GDPD4: variants seen among roughly 807,000 people sequenced by gnomAD.
The protein encoded by GDPD4 is glycerophosphodiester phosphodiesterase domain containing 4.
A neutral mutation model predicts 67.8 loss-of-function variants in GDPD4; 60 were observed. That is an observed-to-expected ratio of 0.88 (90% CI 0.72 to 1.10). The LOEUF (loss-of-function observed/expected upper bound fraction) is 1.10. Ranked by LOEUF, GDPD4 falls within the 50% of genes least tolerant of loss-of-function variation. The pLI, the probability that GDPD4 is intolerant of heterozygous loss-of-function variation, is 0.00. For missense variants in GDPD4, 623 were observed against 613.9 expected (o/e 1.01, Z -0.16); for synonymous variants, 212 against 210.9 (o/e 1.00, Z -0.04).
chr11:77,229,187 A>G lies in GDPD4; in HGVS notation c.1435T>C (p.Ser479Pro). The part of the protein sequence containing the change: ...VFMWLLADII[S>P]VLFIVAIFCF... ...AATATGGCAACAATAAAAAGCACAG[A>G]AATGATATCTGCAAGGAGCCACATG... Residue 479 changes from serine (S) to proline (P), a missense_variant, in exon 15 of 17, where the codon TCT becomes CCT. Transcript: ENST00000315938. The G allele has an allele frequency of 2.5e-6, 4 of 1,609,210 alleles. No individual in the cohort carries two copies. Among genetic ancestry groups the G allele is most frequent in the Non-Finnish European group, 3.4e-6 (4 of 1,176,646 alleles).
At chr11:77,234,886 T>C (rs1289388506) in intron 13 of GDPD4, among the ~76,000 whole-genome samples, 3 of 152,180 alleles carry the variant, frequency 2.0e-5, no homozygotes, top group Non-Finnish European at 1.5e-5. Flanking sequence ...CTGGGTCAAA[T>C]GGTAGTTACA....
chr11:77,225,281 A>C lies in GDPD4; in HGVS notation c.1525+2583T>G, dbSNP rs541570910. Reference sequence around the variant, plus strand: ...ATGCCACTGCACTCCAGCCTGGGCAACAGAGCAAGACTCTGTCTCAAAAAA... The same window carrying C: ...ATGCCACTGCACTCCAGCCTGGGCACCAGAGCAAGACTCTGTCTCAAAAAA... On this transcript the variant is annotated intron_variant, in intron 16 of 16. Transcript: ENST00000315938. Among the ~76,000 whole-genome samples, 5 of 151,286 alleles carry C rather than the reference A, an allele frequency of 3.3e-5. No individual in the cohort carries two copies. The South Asian group carries it at 1.0e-3, about 32-fold the overall frequency.
chr11:77,233,663 G>T (rs2135831630), intron 13 of GDPD4, among the ~76,000 whole-genome samples: 1 of 152,188 alleles, frequency 6.6e-6, no homozygotes, highest in Admixed American at 6.5e-5. Context: ...GCTTCTATCA[G>T]AGCACTTATC....
intron 11 of GDPD4, among the ~76,000 whole-genome samples, chr11:77,253,070 C>T (rs1565523982): frequency 1.3e-5 from 2 of 152,268 alleles, no homozygotes; most frequent in South Asian, 2.1e-4. Context: ...CTCTGTGAAC[C>T]TTTCACTCTC....
intron 5 of GDPD4, among the ~76,000 whole-genome samples, chr11:77,275,908 G>T (rs926684290): frequency 6.6e-6 from 1 of 152,228 alleles, no homozygotes; most frequent in South Asian, 2.1e-4. Flanking sequence ...TACAGATTGA[G>T]TTTAATAGGA....
intron 4 of GDPD4, among the ~76,000 whole-genome samples, chr11:77,277,503 C>G (rs1471650944): frequency 4.2e-5 from 6 of 143,822 alleles, no homozygotes; most frequent in African/African-American, 1.5e-4. Context: ...CCCAGGTTCA[C>G]GCCATTCTCC....
intron 2 of GDPD4, 87 bp from the exon 3 acceptor site, chr11:77,285,274 T>A: frequency 1.5e-6 from 1 of 668,716 alleles, no homozygotes; most frequent in Non-Finnish European, 2.6e-6. Flanking sequence ...AAGGTCAGCA[T>A]AGTTGCACTG....
chr11:77,250,662 T>C (rs1958873780), intron 11 of GDPD4, among the ~76,000 whole-genome samples: 2 of 152,186 alleles, frequency 1.3e-5, no homozygotes, highest in Non-Finnish European at 2.9e-5. Flanking sequence ...TATTCTGTAA[T>C]TGTCTGTTAG....
rs557143512 is a variant in GDPD4 at position 77,227,002 on chromosome 11, T to C, written c.1525+862A>G. 2.0e-5 allele frequency among the ~76,000 whole-genome samples: 3 copies of C among 152,296 alleles called. No homozygotes were observed. The East Asian group carries it at 5.8e-4, about 29-fold the overall frequency. On this transcript the variant is annotated intron_variant, in intron 16 of 16. Coordinates refer to ENST00000315938, the MANE Select transcript of GDPD4 (RefSeq NM_182833.3). ...ATTGTCCATAAGAAATTAAATTAAA[T>C]TCATGATTTTGTGACTGTTCCAACT...
At chr11:77,245,594 T>G in intron 11 of GDPD4, 92 bp from the exon 12 acceptor site, 1 of 787,558 alleles carries the variant, frequency 1.3e-6, no homozygotes, top group Non-Finnish European at 2.1e-6. Context: ...GTTGCTCCAT[T>G]ATCATTCAAT....
intron 11 of GDPD4, among the ~76,000 whole-genome samples, chr11:77,250,130 T>C (rs953751614): frequency 4.6e-5 from 7 of 152,154 alleles, no homozygotes; most frequent in African/African-American, 1.7e-4. Context: ...TGAGTACATG[T>C]GCCGGTTTGT....
At chr11:77,241,931 C>CA (rs917008662) in intron 13 of GDPD4, among the ~76,000 whole-genome samples, 23 of 144,728 alleles carry the variant, frequency 1.6e-4, no homozygotes, top group African/African-American at 3.1e-4. Context: ...GACTCTGTCT[C>CA]AAAAAAAAAA....
intron 1 of GDPD4, among the ~76,000 whole-genome samples, chr11:77,300,753 C>G (rs1391227891): frequency 6.6e-6 from 1 of 152,048 alleles, no homozygotes; most frequent in Non-Finnish European, 1.5e-5. Flanking sequence ...AACTGGAAAT[C>G]AGTAAGAAAA....
chr11:77,268,688 A>G, intron 9 of GDPD4, 149 bp from the exon 10 acceptor site: 2 of 757,812 alleles, frequency 2.6e-6, no homozygotes, highest in South Asian at 1.7e-5. Flanking sequence ...CCTCCGTCCA[A>G]GCTGATTCTG....
rs114774966 is a variant in GDPD4 at position 77,232,347 on chromosome 11, G to A, written c.1389+678C>T. ...AAACTGTTTTCTGTTGTATGCTATT[G>A]TGTCCCACTCAGTCAACCTACTCTC... On this transcript the variant is annotated intron_variant, in intron 14 of 16. Coordinates refer to ENST00000315938, the MANE Select transcript of GDPD4 (RefSeq NM_182833.3). 3.1e-3 allele frequency among the ~76,000 whole-genome samples: 475 copies of A among 152,312 alleles called. 4 individuals are homozygous for A. Among genetic ancestry groups the A allele is most frequent in the African/African-American group, 0.011 (454 of 41,558 alleles).
intron 13 of GDPD4, among the ~76,000 whole-genome samples, chr11:77,237,941 G>C (rs1208496481): frequency 6.6e-6 from 1 of 151,966 alleles, no homozygotes; most frequent in Non-Finnish European, 1.5e-5. Flanking sequence ...AAACAAATAA[G>C]TTTATAGCTT....
chr11:77,265,267 C>A (rs1002418637), intron 10 of GDPD4, among the ~76,000 whole-genome samples: 1 of 152,078 alleles, frequency 6.6e-6, no homozygotes, highest in Non-Finnish European at 1.5e-5. Context: ...GAAGGGTAGA[C>A]CAATAAAACC....
chr11:77,223,621 G>C (rs11501931), intron 16 of GDPD4, among the ~76,000 whole-genome samples: 2,627 of 152,166 alleles, frequency 0.017, 26 homozygotes, highest in East Asian at 0.032. Flanking sequence ...TCTACTGGGC[G>C]GTGTCTCCCA....
rs527775718 is a variant in GDPD4, at chr11:77,274,215, T to C, written c.207+1946A>G. 4.6e-5 allele frequency among the ~76,000 whole-genome samples: 7 copies of C among 152,282 alleles called. No homozygotes were observed. The East Asian group carries it at 1.3e-3, about 29-fold the overall frequency. On this transcript the variant is annotated intron_variant, in intron 5 of 16. Transcript: ENST00000315938. ...ATCTATATTCTTTCCCTAGAAAAAA[T>C]CTCATGGCTTCAAGCTCCATCTATT...
Sources: allele counts gnomAD v4.1 joint callset (sites outside exome capture counted in the v4.1 genomes callset), GRCh38; gene constraint gnomAD v4.1.1; transcripts MANE v1.5; gene names NCBI Gene and HGNC (gene_info 2026-07-23, HGNC 2026-07-21).